Variants in SERGEF observed in about 807,000 individuals in gnomAD.
The protein encoded by SERGEF is secretion regulating guanine nucleotide exchange factor.
Under a neutral mutation model 50.0 loss-of-function variants are expected in SERGEF, and 51 were observed. The observed-to-expected ratio is 1.02, with a 90% CI of 0.81 to 1.29. The LOEUF is 1.29. Among genes scored for constraint, SERGEF ranks in the 50% most tolerant of loss-of-function variants. The probability of loss-of-function intolerance (pLI) is 0.00; values close to 1 mark genes in which losing one functional copy is unlikely to be tolerated. For missense variants in SERGEF, 521 were observed against 557.0 expected, an observed-to-expected ratio of 0.94 and a Z score of 0.65; for synonymous variants, 205 against 212.4, an observed-to-expected ratio of 0.97 and a Z score of 0.30.
chr11:17,946,247 G>A (rs1273421853), intron 9 of SERGEF, among the ~76,000 whole-genome samples: 1 of 152,134 alleles, frequency 6.6e-6, no homozygotes, highest in Admixed American at 6.5e-5. Context: ...GGTTTTACTA[G>A]CAACTTTGTC....
intron 9 of SERGEF, among the ~76,000 whole-genome samples, chr11:17,958,161 T>C (rs1315298176): frequency 1.3e-5 from 2 of 152,316 alleles, no homozygotes; most frequent in Admixed American, 1.3e-4. Flanking sequence ...AGGGCTGGGA[T>C]GTTAAAGCAG....
chr11:17,791,665 T>C (rs181938188), intron 10 of SERGEF, among the ~76,000 whole-genome samples: 158 of 152,370 alleles, frequency 1.0e-3, no homozygotes, highest in African/African-American at 3.7e-3. Context: ...AAATCCCAGC[T>C]TCGCCACTTA....
chr11:17,995,442 T>C (rs923395171), intron 6 of SERGEF, among the ~76,000 whole-genome samples: 4 of 152,164 alleles, frequency 2.6e-5, no homozygotes, highest in South Asian at 2.1e-4. Flanking sequence ...CGGTGCTTGG[T>C]GGGTAAATTC....
At chr11:18,012,903 C>G (rs781034028) in intron 1 of SERGEF, 48 bp downstream of exon 1, 1 of 1,535,426 alleles carries the variant, frequency 6.5e-7, no homozygotes, top group Non-Finnish European at 8.7e-7. Flanking sequence ...GCTCCCACAT[C>G]TCGGCGCCCC....
chr11:17,977,042 G>A (rs911320795), intron 8 of SERGEF, among the ~76,000 whole-genome samples: 2 of 152,200 alleles, frequency 1.3e-5, no homozygotes, highest in African/African-American at 2.4e-5. Context: ...GCTACAGGCT[G>A]TATCTCCTGA....
intron 10 of SERGEF, chr11:17,874,174 C>A (rs368593064): frequency 1.3e-5 from 2 of 152,244 alleles, no homozygotes; most frequent in Non-Finnish European, 2.9e-5. Flanking sequence ...ACAACACCTG[C>A]GGAGCACCTA....
In SERGEF at chr11:17,959,500, C is replaced by T. The variant is rs211146; in HGVS notation, c.981G>A (p.Ser327=). The part of the protein sequence containing the change: ...PCSRPPNSMP[S]SPHCLTGATE... ...TTGCTCCAGTTAAGCAATGCGGAGA[C>T]GAAGGCATGCTGTTCGGTGGTCTTG... The change falls in exon 9 of 11, where the codon TCG becomes TCA. Residue 327 remains serine (S), a synonymous_variant. Transcript: ENST00000265965. 0.61 allele frequency: 985,887 copies of T among 1,612,984 alleles called. 305,832 individuals carry two copies. The highest frequency in any genetic ancestry group is 0.88 in the African/African-American group (65,665 of 74,988).
intron 6 of SERGEF, 127 bp from the exon 7 acceptor site, chr11:17,993,120 C>T (rs1283112186): frequency 2.1e-5 from 14 of 668,212 alleles, no homozygotes; most frequent in Non-Finnish European, 3.4e-5. Context: ...CCTGAGTCAG[C>T]AGCACTGGCC....
intron 9 of SERGEF, among the ~76,000 whole-genome samples, chr11:17,902,514 T>G (rs1367414058): frequency 6.6e-6 from 1 of 152,112 alleles, no homozygotes; most frequent in Non-Finnish European, 1.5e-5. Flanking sequence ...CTCATCAAGC[T>G]GAATCACAGA....
intron 5 of SERGEF, among the ~76,000 whole-genome samples, chr11:17,997,886 T>G (rs1428689304): frequency 6.6e-6 from 1 of 151,948 alleles, no homozygotes; most frequent in Non-Finnish European, 1.5e-5. Flanking sequence ...GAATGGGGAA[T>G]GGGGAGTTAT....
chr11:17,959,589 C>A lies in SERGEF; in HGVS notation c.892G>T (p.Gly298Trp), dbSNP rs777460086. The A allele has an allele frequency of 6.2e-6, 10 of 1,614,102 alleles. No homozygotes were observed. The highest frequency in any genetic ancestry group is 8.5e-6 in the Non-Finnish European group (10 of 1,179,956). ...CCTTCATAAGTCTCCAACTTCCTCC[C>A]TAGCTGACCATAGTCTGCTCGGCCC... Reference protein sequence around the residue: ...TWGRADYGQLGRKLETYEGWK... With the variant: ...TWGRADYGQLWRKLETYEGWK... Residue 298 changes from glycine (G) to tryptophan (W), a missense_variant, in exon 9 of 11, where the codon GGG becomes TGG. Transcript: ENST00000265965.
chr11:17,806,665 A>G (rs1487354839), intron 10 of SERGEF, among the ~76,000 whole-genome samples: 1 of 152,194 alleles, frequency 6.6e-6, no homozygotes, highest in African/African-American at 2.4e-5. Flanking sequence ...CACGAGAAAT[A>G]TCACAAACAA....
At chr11:17,832,932 G>A (rs908555943) in intron 10 of SERGEF, among the ~76,000 whole-genome samples, 4 of 152,176 alleles carry the variant, frequency 2.6e-5, no homozygotes, top group African/African-American at 9.7e-5. Flanking sequence ...TATAAGGGAA[G>A]CCAAGCACAA....
intron 9 of SERGEF, among the ~76,000 whole-genome samples, chr11:17,911,539 G>A (rs978748646): frequency 5.9e-5 from 9 of 151,384 alleles, no homozygotes; most frequent in African/African-American, 2.2e-4. Context: ...TGCCCAGACT[G>A]GAGTGCAGCA....
In SERGEF at chr11:17,988,584, G is replaced by T; in HGVS notation, c.844+13C>A. ...TGCTCTTACCAACCGTAAGTTCTCT[G>T]CTACTGTCTCACCTGTCTGAGCAAC... On this transcript the variant is annotated intron_variant, in intron 8 of 10. Coordinates refer to ENST00000265965, the MANE Select transcript of SERGEF (RefSeq NM_012139.4). The T allele has an allele frequency of 6.2e-7, 1 of 1,613,128 alleles. No homozygotes were observed. Among genetic ancestry groups the T allele is most frequent in the Non-Finnish European group, 8.5e-7 (1 of 1,179,570 alleles).
At chr11:17,898,786 T>C (rs1474689067) in intron 9 of SERGEF, among the ~76,000 whole-genome samples, 1 of 152,210 alleles carries the variant, frequency 6.6e-6, no homozygotes, top group African/African-American at 2.4e-5. Flanking sequence ...TCAACAATTA[T>C]TTTAGATCTC....
chr11:17,844,922 C>A (rs796802313), intron 10 of SERGEF, among the ~76,000 whole-genome samples: 3 of 147,264 alleles, frequency 2.0e-5, no homozygotes, highest in Non-Finnish European at 3.0e-5. Context: ...ACAAAACAAA[C>A]AAACAAAAAA....
intron 6 of SERGEF, among the ~76,000 whole-genome samples, chr11:17,994,369 G>A (rs565946658): frequency 3.3e-5 from 5 of 151,768 alleles, no homozygotes; most frequent in South Asian, 2.1e-4. Flanking sequence ...CCAGCTACTC[G>A]GGAGGCTGAG....
chr11:17,996,010 T>TAG, intron 5 of SERGEF, 101 bp from the exon 6 acceptor site: 1 of 811,026 alleles, frequency 1.2e-6, no homozygotes, highest in Non-Finnish European at 2.1e-6. Context: ...CAATTCTTTC[T>TAG]CAGTTAATAT....
Sources: gnomAD v4.1 joint callset for allele counts (sites outside exome capture counted in the v4.1 genomes callset) on GRCh38, gnomAD v4.1.1 for gene constraint, MANE v1.5 for transcripts, NCBI Gene and HGNC (gene_info 2026-07-23, HGNC 2026-07-21) for gene names.